DLC1: variants seen among roughly 807,000 people sequenced by gnomAD.
DLC1 encodes the protein DLC1 Rho GTPase activating protein, also known as rho GTPase-activating protein 7.
In DLC1, 54 loss-of-function variants were observed where a neutral mutation model predicts 140.3. The ratio of observed to expected loss-of-function variants is 0.38; its 90% confidence interval spans 0.31 to 0.48. The LOEUF (loss-of-function observed/expected upper bound fraction) is 0.48. Ranked by LOEUF, DLC1 falls within the 20% of genes least tolerant of loss-of-function variation. The pLI is 0.96. For missense variants in DLC1, 2,536 were observed against 1,907.0 expected (o/e 1.33, Z -6.14); for synonymous variants, 986 against 728.1 (o/e 1.35, Z -5.70).
At chr8:13,120,356 A>AAAAAATAT in intron 5 of DLC1, among the ~76,000 whole-genome samples, 1 of 61,124 alleles carries the variant, frequency 1.6e-5, no homozygotes, top group African/African-American at 4.2e-5. Flanking sequence ...AAAAAAAAAA[A>AAAAAATAT]ATATATATAT....
At chr8:13,406,009 CTT>C (rs541288501) in intron 2 of DLC1, among the ~76,000 whole-genome samples, 8 of 73,492 alleles carry the variant, frequency 1.1e-4, no homozygotes, top group South Asian at 4.2e-4. Context: ...TATTCTTCTT[CTT>C]TTTTTTTTTT....
At chr8:13,145,951 T>A (rs1439969930) in intron 5 of DLC1, among the ~76,000 whole-genome samples, 1 of 152,148 alleles carries the variant, frequency 6.6e-6, no homozygotes, top group Non-Finnish European at 1.5e-5. Context: ...GTTGTATTAT[T>A]GTGCCTCATA....
intron 1 of DLC1, chr8:13,559,126 T>C (rs540891607): frequency 4.6e-5 from 7 of 152,342 alleles, no homozygotes; most frequent in Admixed American, 2.6e-4. Context: ...TGGCATAATA[T>C]ACGGGCTTCA....
At chr8:13,134,116 A>T (rs6531026) in intron 5 of DLC1, among the ~76,000 whole-genome samples, 47,172 of 152,050 alleles carry the variant, frequency 0.31, 7,713 homozygotes, top group Admixed American at 0.45. Context: ...AAGCTCTCAG[A>T]TGATTCTGAT....
chr8:13,489,544 A>C (rs1003201192), intron 2 of DLC1, among the ~76,000 whole-genome samples: 10 of 151,030 alleles, frequency 6.6e-5, no homozygotes, highest in African/African-American at 2.4e-4. Context: ...AACTCATTTA[A>C]TATTTCTGAC....
intron 7 of DLC1, among the ~76,000 whole-genome samples, chr8:13,109,477 T>C (rs553143571): frequency 6.6e-6 from 1 of 152,068 alleles, no homozygotes; most frequent in East Asian, 1.9e-4. Flanking sequence ...GGATCACCTG[T>C]AGCTGGGAGG....
chr8:13,382,018 T>C (rs1422514224), intron 4 of DLC1, among the ~76,000 whole-genome samples: 1 of 151,884 alleles, frequency 6.6e-6, no homozygotes, highest in African/African-American at 2.4e-5. Flanking sequence ...GGGCTTTCAG[T>C]GAAAGGTTAA....
At chr8:13,115,241 C>T (rs909247551) in intron 6 of DLC1, among the ~76,000 whole-genome samples, 3 of 152,044 alleles carry the variant, frequency 2.0e-5, no homozygotes, top group Non-Finnish European at 4.4e-5. Context: ...AAATTACATA[C>T]GACACACTAC....
At chr8:13,355,880 C>G (rs556287490) in intron 4 of DLC1, among the ~76,000 whole-genome samples, 25 of 151,506 alleles carry the variant, frequency 1.7e-4, no homozygotes, top group Non-Finnish European at 3.4e-4. Flanking sequence ...GTCAGGAGAT[C>G]GAGACCATCT....
At chr8:13,444,657 C>T (rs1223003573) in intron 2 of DLC1, among the ~76,000 whole-genome samples, 1 of 152,058 alleles carries the variant, frequency 6.6e-6, no homozygotes, top group African/African-American at 2.4e-5. Flanking sequence ...ACTCTTTTCC[C>T]AAATTTATCT....
rs554893415 is a variant in DLC1 at position 13,331,510 on chromosome 8, C to T, written c.1315-26208G>A. 5.9e-5 allele frequency among the ~76,000 whole-genome samples: 9 copies of T among 152,182 alleles called. No individual in the cohort carries two copies. In the South Asian group the frequency reaches 1.9e-3, roughly 32 times the overall value. On this transcript the variant is annotated intron_variant, in intron 4 of 17. Coordinates refer to ENST00000276297, the MANE Select transcript of DLC1 (RefSeq NM_182643.3). ...TAGTGTTTTGTTAAAATAGCTATTG[C>T]TACAGAGGATCAAAAAAGGGAAAGA...
rs908268209 is a variant in DLC1 at position 13,568,053 on chromosome 8, G to C, written c.-126+36484C>G. On this transcript the variant is annotated intron_variant, in intron 1 of 1. Coordinates refer to the DLC1 transcript ENST00000631382. ...TTTACTATGCTTCCTTCACAGATTT[G>C]AGGACTAAGAACTTTCACTTTTTTT... 6 of 1,268,310 alleles carry C rather than the reference G, an allele frequency of 4.7e-6. No homozygotes were observed. The African/African-American group carries it at 9.1e-5, about 19-fold the overall frequency. 78.6% of individuals were successfully genotyped at this position (1,268,310 alleles called of 1,614,324 possible).
In DLC1 at chr8:13,134,308, A is replaced by G. The variant is rs371622839; in HGVS notation, c.1349-18651T>C. Among the ~76,000 whole-genome samples, 9 of 152,354 alleles carry G rather than the reference A, an allele frequency of 5.9e-5. No homozygotes were observed. In the East Asian group the frequency reaches 1.7e-3, roughly 29 times the overall value. On this transcript the variant is annotated intron_variant, in intron 5 of 17. Coordinates refer to ENST00000276297, the MANE Select transcript of DLC1 (RefSeq NM_182643.3). ...CAAGGAAGACTACTGAACTAAACTC[A>G]TTCATTCAACAAATACAGAAAGAGC...
At chr8:13,089,230 C>T (rs921360198) in intron 15 of DLC1, among the ~76,000 whole-genome samples, 13 of 151,932 alleles carry the variant, frequency 8.6e-5, no homozygotes, top group South Asian at 2.1e-4. Context: ...GCACTCCAGC[C>T]TGGGTGATGA....
At chr8:13,508,242 T>C (rs1802195888) in intron 1 of DLC1, among the ~76,000 whole-genome samples, 1 of 152,174 alleles carries the variant, frequency 6.6e-6, no homozygotes, top group Admixed American at 6.5e-5. Context: ...CCAGCCAGAT[T>C]TGGAGATTCT....
chr8:13,190,996 G>T (rs1826719906), intron 5 of DLC1, among the ~76,000 whole-genome samples: 1 of 151,938 alleles, frequency 6.6e-6, no homozygotes, highest in Non-Finnish European at 1.5e-5. Flanking sequence ...TGTGTTTGGG[G>T]GAGTGCTGGG....
At chr8:13,167,251 T>C (rs1385335944) in intron 5 of DLC1, among the ~76,000 whole-genome samples, 4 of 152,202 alleles carry the variant, frequency 2.6e-5, no homozygotes, top group Non-Finnish European at 5.9e-5. Context: ...TTGACTCTGC[T>C]CAAGTCTCCT....
chr8:13,274,124 T>C (rs1182247128), intron 5 of DLC1, among the ~76,000 whole-genome samples: 3 of 152,162 alleles, frequency 2.0e-5, no homozygotes, highest in Admixed American at 2.0e-4. Flanking sequence ...TGACTTTTTG[T>C]GGATCATTAG....
At chr8:13,266,285 G>A (rs1341568749) in intron 5 of DLC1, among the ~76,000 whole-genome samples, 1 of 152,200 alleles carries the variant, frequency 6.6e-6, no homozygotes, top group Admixed American at 6.5e-5. Flanking sequence ...ATTCTGGGTT[G>A]TGATGTTATC....
Sources: allele counts gnomAD v4.1 joint callset (sites outside exome capture counted in the v4.1 genomes callset), GRCh38; gene constraint gnomAD v4.1.1; transcripts MANE v1.5; gene names NCBI Gene and HGNC (gene_info 2026-07-23, HGNC 2026-07-21).